Variants in LCLAT1 observed in about 807,000 individuals in gnomAD.
The protein encoded by LCLAT1 is lysocardiolipin acyltransferase 1.
In LCLAT1, 11 loss-of-function variants were observed where a neutral mutation model predicts 30.7. That is an observed-to-expected ratio of 0.36 (90% CI 0.23 to 0.59). LCLAT1 has a LOEUF of 0.59. Ranked by LOEUF, LCLAT1 falls within the 20% of genes least tolerant of loss-of-function variation. The probability of loss-of-function intolerance (pLI) is 0.77; values close to 1 mark genes in which losing one functional copy is unlikely to be tolerated. For missense variants in LCLAT1, 402 were observed against 458.6 expected (o/e 0.88, Z 1.13); for synonymous variants, 155 against 151.3 (o/e 1.02, Z -0.18).
At position 30,505,971 on chromosome 2, in the gene LCLAT1, A is replaced by C. The variant is rs75347343; in HGVS notation, c.-4-19616A>C. ...CCTTTATTCTGGTTTAAGAACTCTC[A>C]GACTTCCCCCAGGGAATTACCAGGC... On this transcript the variant is annotated intron_variant, in intron 1 of 5. Coordinates refer to ENST00000379509, the MANE Select transcript of LCLAT1 (RefSeq NM_001002257.3). Among the ~76,000 whole-genome samples the C allele has an allele frequency of 1.4e-3, 219 of 152,260 alleles. 2 individuals are homozygous for C. In the East Asian group the frequency reaches 0.035, roughly 24 times the overall value.
At chr2:30,530,373 G>A (rs1272219263) in intron 2 of LCLAT1, among the ~76,000 whole-genome samples, 1 of 152,198 alleles carries the variant, frequency 6.6e-6, no homozygotes, top group Non-Finnish European at 1.5e-5. Flanking sequence ...TGCAGGAGCT[G>A]TAAATAAGGT....
intron 1 of LCLAT1, among the ~76,000 whole-genome samples, chr2:30,475,918 A>G (rs1011577004): frequency 2.6e-5 from 4 of 152,196 alleles, no homozygotes; most frequent in Non-Finnish European, 4.4e-5. Context: ...ATAATCCACT[A>G]TGAGTCTTAT....
chr2:30,516,192 C>T (rs918516892), intron 1 of LCLAT1, among the ~76,000 whole-genome samples: 9 of 152,148 alleles, frequency 5.9e-5, no homozygotes, highest in Admixed American at 4.6e-4. Flanking sequence ...CCTAGGTATT[C>T]GAACTGGCAG....
rs551561655 is a variant in LCLAT1, at chr2:30,502,680, A to G, written c.-4-22907A>G. The stretch of plus-strand genomic sequence containing the variant: ...AGCATAGTGTTTTCAAAGTCCATCT[A>G]TGTTGTAGCATGTGTCAGTACCTCA... On this transcript the variant is annotated intron_variant, in intron 1 of 5. Coordinates refer to ENST00000379509, the MANE Select transcript of LCLAT1 (RefSeq NM_001002257.3). Among the ~76,000 whole-genome samples the G allele has an allele frequency of 4.0e-5, 6 of 151,804 alleles. No homozygotes were observed. The East Asian group carries it at 5.8e-4, about 15-fold the overall frequency.
At chr2:30,593,552 A>C in intron 5 of LCLAT1, among the ~76,000 whole-genome samples, 1 of 152,066 alleles carries the variant, frequency 6.6e-6, no homozygotes, top group East Asian at 1.9e-4. Context: ...GATTCTATAC[A>C]AATTTTAGTA....
At chr2:30,538,777 CAT>C (rs1663949619) in intron 3 of LCLAT1, among the ~76,000 whole-genome samples, 1 of 151,970 alleles carries the variant, frequency 6.6e-6, no homozygotes, top group East Asian at 1.9e-4. Context: ...AATTGGAAAA[CAT>C]AGCAGAAATT....
At chr2:30,475,962 C>G (rs1341977111) in intron 1 of LCLAT1, among the ~76,000 whole-genome samples, 11 of 152,140 alleles carry the variant, frequency 7.2e-5, no homozygotes, top group South Asian at 2.1e-4. Flanking sequence ...CAGATGACTT[C>G]TAAAGTCTTC....
chr2:30,619,677 C>G (rs752346372), intron 5 of LCLAT1, among the ~76,000 whole-genome samples: 1 of 152,196 alleles, frequency 6.6e-6, no homozygotes, highest in South Asian at 2.1e-4. Context: ...CATTAATAAG[C>G]TGAGCATGCC....
intron 1 of LCLAT1, among the ~76,000 whole-genome samples, chr2:30,447,760 C>G (rs1046307257): frequency 2.6e-5 from 4 of 152,218 alleles, no homozygotes; most frequent in African/African-American, 7.2e-5. Context: ...GGGAGCTGCA[C>G]TGTCCCGGAA....
At chr2:30,544,722 G>A (rs190049310) in intron 3 of LCLAT1, among the ~76,000 whole-genome samples, 24 of 152,170 alleles carry the variant, frequency 1.6e-4, no homozygotes, top group African/African-American at 5.8e-4. Flanking sequence ...TTATCCTGAG[G>A]CCCACTTTGG....
intron 3 of LCLAT1, among the ~76,000 whole-genome samples, chr2:30,538,505 G>A (rs1334056051): frequency 1.3e-5 from 2 of 151,822 alleles, no homozygotes; most frequent in Non-Finnish European, 2.9e-5. Context: ...GGTGATGGTG[G>A]GCACCTGTAA....
At chr2:30,615,436 T>C (rs1667951099) in intron 5 of LCLAT1, among the ~76,000 whole-genome samples, 1 of 152,094 alleles carries the variant, frequency 6.6e-6, no homozygotes, top group Non-Finnish European at 1.5e-5. Flanking sequence ...TATTGGAAGT[T>C]TTTGAGAAAA....
At chr2:30,616,235 A>G (rs1667987157) in intron 5 of LCLAT1, among the ~76,000 whole-genome samples, 1 of 152,176 alleles carries the variant, frequency 6.6e-6, no homozygotes, top group Non-Finnish European at 1.5e-5. Context: ...GAAAGTTGAA[A>G]TGGATGTTTA....
At chr2:30,600,470 GCAAA>G (rs1667131265) in intron 5 of LCLAT1, among the ~76,000 whole-genome samples, 1 of 152,090 alleles carries the variant, frequency 6.6e-6, no homozygotes, top group Admixed American at 6.5e-5. Flanking sequence ...AGAACCAAGA[GCAAA>G]CAAACTCCAA....
intron 1 of LCLAT1, among the ~76,000 whole-genome samples, chr2:30,482,196 T>C (rs1195148591): frequency 6.6e-6 from 1 of 152,230 alleles, no homozygotes; most frequent in Non-Finnish European, 1.5e-5. Flanking sequence ...GGGATTGCAT[T>C]TGGCAGTTAT....
chr2:30,604,660 C>CAA (rs71405526), intron 5 of LCLAT1, among the ~76,000 whole-genome samples: 2,045 of 94,888 alleles, frequency 0.022, 43 homozygotes, highest in Non-Finnish European at 0.031. Flanking sequence ...GACTCCGTCT[C>CAA]AAAAAAAAAA....
chr2:30,583,273 CTT>C (rs1666283309), intron 5 of LCLAT1, among the ~76,000 whole-genome samples: 1 of 152,136 alleles, frequency 6.6e-6, no homozygotes, highest in African/African-American at 2.4e-5. Flanking sequence ...CTTTTGCTAT[CTT>C]GGGAATAGAG....
chr2:30,636,746 T>C (rs1669047660), intron 5 of LCLAT1, among the ~76,000 whole-genome samples: 1 of 152,232 alleles, frequency 6.6e-6, no homozygotes, highest in South Asian at 2.1e-4. Context: ...GGCATTCTTC[T>C]CACCATTTTG....
intron 5 of LCLAT1, among the ~76,000 whole-genome samples, chr2:30,619,497 T>C (rs988543987): frequency 6.6e-6 from 1 of 152,218 alleles, no homozygotes; most frequent in African/African-American, 2.4e-5. Context: ...TATGAAACTT[T>C]ACAAGATATT....
Sources: allele counts gnomAD v4.1 joint callset (sites outside exome capture counted in the v4.1 genomes callset), GRCh38; gene constraint gnomAD v4.1.1; transcripts MANE v1.5; gene names NCBI Gene and HGNC (gene_info 2026-07-23, HGNC 2026-07-21).